The following MTSS1 variants were observed in gnomAD, a reference collection of about 807,000 sequenced individuals.
The protein encoded by MTSS1 is MTSS I-BAR domain containing 1.
A neutral mutation model predicts 79.0 loss-of-function variants in MTSS1; 18 were observed. That is an observed-to-expected ratio of 0.23 (90% CI 0.16 to 0.34). MTSS1 has a LOEUF of 0.34. Among genes scored for constraint, MTSS1 ranks in the 10% least tolerant of loss-of-function variants. The probability of loss-of-function intolerance (pLI) is 1.00; values close to 1 mark genes in which losing one functional copy is unlikely to be tolerated. For missense variants in MTSS1, 815 were observed against 986.2 expected (o/e 0.83, Z 2.33); for synonymous variants, 341 against 368.6 (o/e 0.93, Z 0.86).
At chr8:124,605,565 T>TGCCTCCCTCCCTGCCCTCG (rs1371258616) in intron 3 of MTSS1, among the ~76,000 whole-genome samples, 10 of 127,052 alleles carry the variant, frequency 7.9e-5, no homozygotes, top group African/African-American at 2.6e-4. Flanking sequence ...CCCTGCCCTC[T>TGCCTCCCTCCCTGCCCTCG]CGCTGCCTCC....
intron 11 of MTSS1, 37 bp downstream of exon 11, chr8:124,557,644 C>T (rs1286647944): frequency 2.0e-6 from 3 of 1,520,316 alleles, no homozygotes; most frequent in East Asian, 2.5e-5. Context: ...AGCACAGAGG[C>T]AATGACGGGG....
At chr8:124,670,654 C>T (rs1310164301) in intron 3 of MTSS1, among the ~76,000 whole-genome samples, 1 of 152,132 alleles carries the variant, frequency 6.6e-6, no homozygotes, top group East Asian at 1.9e-4. Flanking sequence ...CTAGGGCTTA[C>T]CAAGAGCTTT....
At chr8:124,640,764 A>G (rs138088038) in intron 3 of MTSS1, among the ~76,000 whole-genome samples, 3,089 of 152,070 alleles carry the variant, frequency 0.02, 117 homozygotes, top group African/African-American at 0.07. Context: ...GGTTGGTCTC[A>G]ATCTCTTGAC....
intron 1 of MTSS1, among the ~76,000 whole-genome samples, chr8:124,726,944 G>A (rs1418423655): frequency 6.6e-6 from 1 of 152,150 alleles, no homozygotes; most frequent in Non-Finnish European, 1.5e-5. Flanking sequence ...GCCAGCTCGC[G>A]CGGCTGGTTT....
chr8:124,726,598 C>G (rs1173868759), intron 1 of MTSS1, among the ~76,000 whole-genome samples: 1 of 152,224 alleles, frequency 6.6e-6, no homozygotes, highest in African/African-American at 2.4e-5. Context: ...GGTGAGGTGG[C>G]AGTTGGTTCT....
chr8:124,570,575 C>T (rs1412658086), intron 6 of MTSS1, among the ~76,000 whole-genome samples: 2 of 152,150 alleles, frequency 1.3e-5, no homozygotes, highest in East Asian at 3.8e-4. Flanking sequence ...ATGGGAAAAA[C>T]CACAGTATAT....
At chr8:124,560,262 T>C (rs1374817738) in intron 10 of MTSS1, among the ~76,000 whole-genome samples, 1 of 152,218 alleles carries the variant, frequency 6.6e-6, no homozygotes, top group African/African-American at 2.4e-5. Context: ...GGCTCATGCC[T>C]GTAATCCTGG....
At chr8:124,591,259 G>A (rs752507407) in intron 3 of MTSS1, 24 bp from the exon 4 acceptor site, 3 of 1,597,206 alleles carry the variant, frequency 1.9e-6, no homozygotes, top group Admixed American at 1.7e-5. Flanking sequence ...AGAGGCAAAG[G>A]TGAGGGATAG....
chr8:124,625,981 G>A (rs1188650233), intron 3 of MTSS1, among the ~76,000 whole-genome samples: 1 of 151,198 alleles, frequency 6.6e-6, no homozygotes, highest in African/African-American at 2.4e-5. Flanking sequence ...TAAGCATAAT[G>A]AACACCTACT....
chr8:124,628,652 T>G lies in MTSS1; in HGVS notation c.209-37417A>C, dbSNP rs750955271. On this transcript the variant is annotated intron_variant, in intron 3 of 13. Coordinates refer to ENST00000518547, the MANE Select transcript of MTSS1 (RefSeq NM_014751.6). ...TCCCCATCGATGACAGCAATTTCCC[T>G]AACATCTAATTATAGGCATTTTGTC... is the stretch of plus-strand genomic sequence containing the variant. 7.3e-5 allele frequency among the ~76,000 whole-genome samples: 11 copies of G among 149,716 alleles called. No homozygotes were observed. In the South Asian group the frequency reaches 2.3e-3, roughly 32 times the overall value.
chr8:124,712,051 A>G (rs10956198), intron 1 of MTSS1, among the ~76,000 whole-genome samples: 27,589 of 150,902 alleles, frequency 0.18, 2,564 homozygotes, highest in Admixed American at 0.23. Flanking sequence ...CACAACAAAG[A>G]GTGGGTAGAA....
Position 124,676,263 on chromosome 8 carries a change from T to C in MTSS1, c.208+23263A>G, listed in dbSNP as rs902665452. ...CATTATTCCTAACATGCATGGAAAA[T>C]GCAAAGATGGTATTAAAGATTAAAT... On this transcript the variant is annotated intron_variant, in intron 3 of 13. Transcript: ENST00000518547. 2.0e-5 allele frequency among the ~76,000 whole-genome samples: 3 copies of C among 152,022 alleles called. No homozygotes were observed. The East Asian group carries it at 5.8e-4, about 29-fold the overall frequency.
At position 124,727,932 on chromosome 8, in the gene MTSS1, T is replaced by C; in HGVS notation, c.24A>G (p.Glu8=). The C allele has an allele frequency of 6.2e-7, 1 of 1,609,958 alleles. No individual in the cohort carries two copies. The highest frequency in any genetic ancestry group is 8.5e-7 in the Non-Finnish European group (1 of 1,178,444). MEAVIEK[E]CSALGGLFQT... The stretch of plus-strand genomic sequence containing the variant: ...GGAAGAGGCCTCCGAGCGCGCTGCA[T>C]TCCTTCTCAATCACAGCCTCCATTT... Residue 8 remains glutamate, a synonymous_variant, in exon 1 of 14, where the codon GAA becomes GAG. Coordinates refer to ENST00000518547, the MANE Select transcript of MTSS1 (RefSeq NM_014751.6). The surrounding 1 kb of genome is among the most constrained non-coding windows in gnomAD (Gnocchi z 4.7).
intron 3 of MTSS1, among the ~76,000 whole-genome samples, chr8:124,599,157 T>G (rs1292558833): frequency 6.6e-6 from 1 of 152,116 alleles, no homozygotes; most frequent in African/African-American, 2.4e-5. Context: ...CACAGTGAAA[T>G]TGATTACTGT....
intron 6 of MTSS1, among the ~76,000 whole-genome samples, chr8:124,576,501 T>C (rs1445426029): frequency 2.0e-5 from 3 of 152,178 alleles, no homozygotes; most frequent in African/African-American, 7.2e-5. Context: ...TGGGGAGAGC[T>C]TGAGTGTAGA....
chr8:124,599,367 C>T (rs554691500), intron 3 of MTSS1, among the ~76,000 whole-genome samples: 4 of 151,518 alleles, frequency 2.6e-5, no homozygotes, highest in South Asian at 4.2e-4. Context: ...CCTGTAATCC[C>T]GGCTACTCAG....
At chr8:124,705,860 C>G (rs1830310682) in intron 1 of MTSS1, among the ~76,000 whole-genome samples, 1 of 152,220 alleles carries the variant, frequency 6.6e-6, no homozygotes, top group South Asian at 2.1e-4. Context: ...AGCAGTATCG[C>G]TATCTTCCAT....
chr8:124,723,823 C>T (rs1482463386), intron 1 of MTSS1, among the ~76,000 whole-genome samples: 4 of 152,210 alleles, frequency 2.6e-5, no homozygotes, highest in East Asian at 1.9e-4. Context: ...TGGCTGTCAC[C>T]GTTTATAGGG....
rs529795036 is a variant in MTSS1 at position 124,563,948 on chromosome 8, C to T, written c.825-956G>A. ...GAGTTCAAGACTAGCCTGGCCAATA[C>T]GGTGAAACCCCGCCTCTGATAAAAA... On this transcript the variant is annotated intron_variant, in intron 9 of 13. Coordinates refer to ENST00000518547, the MANE Select transcript of MTSS1 (RefSeq NM_014751.6). 9.9e-5 allele frequency among the ~76,000 whole-genome samples: 15 copies of T among 152,100 alleles called. No homozygotes were observed. The South Asian group carries it at 3.1e-3, about 32-fold the overall frequency.
Sources: gnomAD v4.1 joint callset for allele counts (sites outside exome capture counted in the v4.1 genomes callset) on GRCh38, gnomAD v4.1.1 for gene constraint, Gnocchi (gnomAD v3.1) non-coding constraint, MANE v1.5 for transcripts, NCBI Gene and HGNC (gene_info 2026-07-23, HGNC 2026-07-21) for gene names.